Variants in DYRK1A observed in about 807,000 individuals in gnomAD.
The protein encoded by DYRK1A is dual specificity tyrosine phosphorylation regulated kinase 1A.
DYRK1A carries 9 observed loss-of-function variants against 79.7 expected under a neutral mutation model. The observed-to-expected ratio is 0.11, with a 90% CI of 0.07 to 0.20. The LOEUF (loss-of-function observed/expected upper bound fraction) is 0.20, where lower values mean the gene tolerates loss of function less well. Ranked by LOEUF, DYRK1A falls within the 10% of genes least tolerant of loss-of-function variation. The pLI is 1.00. For synonymous variants in DYRK1A, 349 were observed against 329.7 expected (o/e 1.06, Z -0.63); for missense variants, 622 against 956.0 (o/e 0.65, Z 4.61).
intron 2 of DYRK1A, among the ~76,000 whole-genome samples, chr21:37,423,022 G>A (rs1035162743): frequency 1.3e-5 from 2 of 152,132 alleles, no homozygotes; most frequent in African/African-American, 4.8e-5. Flanking sequence ...TATTTGGTGA[G>A]CATTTGCTTT....
At chr21:37,449,634 T>C (rs907492127) in intron 2 of DYRK1A, among the ~76,000 whole-genome samples, 2 of 152,210 alleles carry the variant, frequency 1.3e-5, no homozygotes, top group African/African-American at 4.8e-5. Context: ...TGGTTATCAA[T>C]TAGCAGTCTC....
At chr21:37,439,538 C>T (rs919622904) in intron 2 of DYRK1A, among the ~76,000 whole-genome samples, 2 of 152,178 alleles carry the variant, frequency 1.3e-5, no homozygotes, top group Admixed American at 6.5e-5. Context: ...ACCACCTGAG[C>T]TCTGCCTCTT....
chr21:37,457,033 C>CTTAT (rs769669965), intron 2 of DYRK1A, among the ~76,000 whole-genome samples: 33 of 118,320 alleles, frequency 2.8e-4, no homozygotes, highest in South Asian at 4.8e-4. Flanking sequence ...TACTTACTTA[C>CTTAT]TTACTTATTT....
intron 1 of DYRK1A, among the ~76,000 whole-genome samples, chr21:37,394,030 G>A (rs146106580): frequency 6.6e-6 from 1 of 152,314 alleles, no homozygotes; most frequent in African/African-American, 2.4e-5. Flanking sequence ...GTTCGGGGTG[G>A]GGTGGGGATT....
At chr21:37,418,007 G>A (rs1483490008) in intron 1 of DYRK1A, among the ~76,000 whole-genome samples, 3 of 152,116 alleles carry the variant, frequency 2.0e-5, no homozygotes, top group African/African-American at 7.2e-5. Context: ...ATGAAAATAT[G>A]ACTGTCTAGA....
intron 5 of DYRK1A, among the ~76,000 whole-genome samples, chr21:37,483,099 A>G (rs539494506): frequency 6.6e-6 from 1 of 152,226 alleles, no homozygotes; most frequent in Non-Finnish European, 1.5e-5. Flanking sequence ...GGATTAAGAG[A>G]TTAAAGACAG....
intron 2 of DYRK1A, among the ~76,000 whole-genome samples, chr21:37,462,393 G>A (rs1279794240): frequency 6.6e-6 from 1 of 152,196 alleles, no homozygotes; most frequent in Non-Finnish European, 1.5e-5. Context: ...AGCCTTTACT[G>A]TAGGGCTGGA....
intron 1 of DYRK1A, among the ~76,000 whole-genome samples, chr21:37,413,378 T>C (rs1366550933): frequency 6.6e-6 from 1 of 152,128 alleles, no homozygotes; most frequent in Non-Finnish European, 1.5e-5. Context: ...CATGCACTCA[T>C]GCAAATCAAT....
intron 9 of DYRK1A, chr21:37,502,575 CT>C (rs1046102937): frequency 2.0e-5 from 3 of 151,984 alleles, no homozygotes; most frequent in Admixed American, 2.0e-4. Context: ...TGTTATAAAC[CT>C]CACAACACAT....
At chr21:37,484,325 G>A (rs951239065) in intron 5 of DYRK1A, among the ~76,000 whole-genome samples, 9 of 139,874 alleles carry the variant, frequency 6.4e-5, no homozygotes, top group Admixed American at 5.8e-4. Context: ...CACTCAATAG[G>A]TCCCTTTTTT....
chr21:37,390,489 G>A (rs905249925), intron 1 of DYRK1A, among the ~76,000 whole-genome samples: 4 of 152,138 alleles, frequency 2.6e-5, no homozygotes, highest in African/African-American at 7.2e-5. Flanking sequence ...ACTCCATTCC[G>A]TTTTTGGCAG....
chr21:37,511,547 G>T (rs965709988), intron 11 of DYRK1A, among the ~76,000 whole-genome samples: 25 of 152,230 alleles, frequency 1.6e-4, no homozygotes, highest in African/African-American at 5.5e-4. Flanking sequence ...AGAGAGGAAG[G>T]ACATGAGGGA....
intron 11 of DYRK1A, 72 bp downstream of exon 11, chr21:37,506,295 G>C: frequency 1.9e-6 from 3 of 1,612,642 alleles, no homozygotes; most frequent in Non-Finnish European, 2.5e-6. Context: ...GATGCCAGGT[G>C]CCTTTAGAAT....
chr21:37,454,362 G>A (rs968968598), intron 2 of DYRK1A, among the ~76,000 whole-genome samples: 3 of 151,944 alleles, frequency 2.0e-5, no homozygotes, highest in African/African-American at 4.8e-5. Context: ...CCAAAGTGCC[G>A]GATTGTAAGT....
intron 2 of DYRK1A, among the ~76,000 whole-genome samples, chr21:37,459,901 G>C (rs566200882): frequency 6.6e-6 from 1 of 152,200 alleles, no homozygotes; most frequent in South Asian, 2.1e-4. Context: ...GAGAATACTT[G>C]TATGCAAATT....
At position 37,452,239 on chromosome 21, in the gene DYRK1A, G is replaced by T. The variant is rs531193520; in HGVS notation, c.11-20445G>T. ...CTGGATAAGGAGCAGTTATTGTAGGGGATTCCCCTGGCCCCTTTCTGGATT... is the reference window on the plus strand; with the variant it reads ...CTGGATAAGGAGCAGTTATTGTAGGTGATTCCCCTGGCCCCTTTCTGGATT... On this transcript the variant is annotated intron_variant, in intron 2 of 11. Transcript: ENST00000647188. Among the ~76,000 whole-genome samples the T allele has an allele frequency of 5.9e-5, 9 of 151,902 alleles. No individual in the cohort carries two copies. In the South Asian group the frequency reaches 1.9e-3, roughly 32 times the overall value.
intron 2 of DYRK1A, among the ~76,000 whole-genome samples, chr21:37,438,203 A>G (rs1389845286): frequency 6.6e-6 from 1 of 152,094 alleles, no homozygotes; most frequent in Non-Finnish European, 1.5e-5. Context: ...TTTCTTATAC[A>G]TTTGATACAA....
chr21:37,444,253 A>T (rs1405692425), intron 2 of DYRK1A, among the ~76,000 whole-genome samples: 1 of 152,308 alleles, frequency 6.6e-6, no homozygotes, highest in African/African-American at 2.4e-5. Context: ...TCCCAGTACC[A>T]CCTGTAGTAC....
chr21:37,446,394 A>G (rs1055385027), intron 2 of DYRK1A, among the ~76,000 whole-genome samples: 1 of 152,112 alleles, frequency 6.6e-6, no homozygotes, highest in East Asian at 1.9e-4. Flanking sequence ...AACAAGTTGC[A>G]TTTTCAAGAA....
Sources: gnomAD v4.1 joint callset for allele counts (sites outside exome capture counted in the v4.1 genomes callset) on GRCh38, gnomAD v4.1.1 for gene constraint, MANE v1.5 for transcripts, NCBI Gene and HGNC (gene_info 2026-07-23, HGNC 2026-07-21) for gene names.